KCNQ5: variants seen among roughly 807,000 people sequenced by gnomAD.
The protein encoded by KCNQ5 is potassium voltage-gated channel subfamily KQT member 5.
A neutral mutation model predicts 98.2 loss-of-function variants in KCNQ5; 30 were observed. The ratio of observed to expected loss-of-function variants is 0.31; its 90% CI spans 0.23 to 0.41. The LOEUF (loss-of-function observed/expected upper bound fraction) is 0.41. Ranked by LOEUF, KCNQ5 falls within the 10% of genes least tolerant of loss-of-function variation. The pLI, the probability that KCNQ5 is intolerant of heterozygous loss-of-function variation, is 1.00. For synonymous variants in KCNQ5, 458 were observed against 449.4 expected (o/e 1.02, Z -0.24); for missense variants, 835 against 1,182.5 (o/e 0.71, Z 4.31).
At position 72,673,128 on chromosome 6, in the gene KCNQ5, C is replaced by T. The variant is rs1204622015; in HGVS notation, c.398+50541C>T. Reference sequence around the variant, plus strand: ...CCCATTTGTGACAGCTGTCCCATTGCCTGGGGATAGCTAACCTCCAGTCTT... The same window carrying T: ...CCCATTTGTGACAGCTGTCCCATTGTCTGGGGATAGCTAACCTCCAGTCTT... On this transcript the variant is annotated intron_variant, in intron 1 of 13. Coordinates refer to ENST00000370398, the MANE Select transcript of KCNQ5 (RefSeq NM_019842.4). Among the ~76,000 whole-genome samples, 3 of 152,278 alleles carry T rather than the reference C, an allele frequency of 2.0e-5. No homozygotes were observed. The South Asian group carries it at 6.2e-4, about 32-fold the overall frequency.
intron 1 of KCNQ5, among the ~76,000 whole-genome samples, chr6:72,857,875 T>A (rs1297025536): frequency 2.0e-5 from 3 of 152,260 alleles, no homozygotes; most frequent in African/African-American, 7.2e-5. Flanking sequence ...GTTCACTAAT[T>A]TACACAGTAA....
chr6:72,883,243 T>C (rs1024767397), intron 1 of KCNQ5, among the ~76,000 whole-genome samples: 2 of 152,242 alleles, frequency 1.3e-5, no homozygotes, highest in African/African-American at 2.4e-5. Flanking sequence ...TTTCTATCTA[T>C]TTATTTATAA....
At chr6:73,144,829 G>T (rs989308772) in intron 10 of KCNQ5, among the ~76,000 whole-genome samples, 1 of 152,136 alleles carries the variant, frequency 6.6e-6, no homozygotes, top group Non-Finnish European at 1.5e-5. Flanking sequence ...TGGTTCACAT[G>T]GTGGTGGTGG....
At position 72,644,436 on chromosome 6, in the gene KCNQ5, G is replaced by T. The variant is rs183233393; in HGVS notation, c.398+21849G>T. On this transcript the variant is annotated intron_variant, in intron 1 of 13. Transcript: ENST00000370398. ...TTCAGTCTGGTTCAGTGTTAGCTGG[G>T]AACATATGTGAGAGGAGAGGTTCAA... Among the ~76,000 whole-genome samples, 22 of 152,254 alleles carry T rather than the reference G, an allele frequency of 1.4e-4. No homozygotes were observed. The East Asian group carries it at 3.9e-3, about 27-fold the overall frequency.
At chr6:72,947,395 G>T (rs946721861) in intron 1 of KCNQ5, among the ~76,000 whole-genome samples, 1 of 152,048 alleles carries the variant, frequency 6.6e-6, no homozygotes. Flanking sequence ...GCAGAGTTTG[G>T]ACTGATAAAC....
chr6:73,190,720 G>C lies in KCNQ5; in HGVS notation c.1709+16G>C, dbSNP rs374713121. 87 of 1,505,602 alleles carry C rather than the reference G, an allele frequency of 5.8e-5. No individual in the cohort carries two copies. Among genetic ancestry groups the C allele is most frequent in the Non-Finnish European group, 7.6e-5 (85 of 1,119,848 alleles). The allele number at this position is 1,505,602 out of a possible 1,614,324, so 93.3% of individuals were successfully genotyped here. ...TTCAAACACGGTAAGCAATGGAAAT[G>C]TCATTCCTTGTAAAGGAATGGGCAT... is the stretch of plus-strand genomic sequence containing the variant. On this transcript the variant is annotated intron_variant, in intron 12 of 13. Coordinates refer to ENST00000370398, the MANE Select transcript of KCNQ5 (RefSeq NM_019842.4).
At chr6:72,888,466 C>T (rs1364938366) in intron 1 of KCNQ5, among the ~76,000 whole-genome samples, 2 of 152,100 alleles carry the variant, frequency 1.3e-5, no homozygotes, top group East Asian at 1.9e-4. Flanking sequence ...TTGAAAAATG[C>T]AGAAAATCAC....
At chr6:72,716,671 A>G (rs532255923) in intron 1 of KCNQ5, among the ~76,000 whole-genome samples, 4 of 152,140 alleles carry the variant, frequency 2.6e-5, no homozygotes, top group South Asian at 2.1e-4. Flanking sequence ...TTTAATTACT[A>G]TCTATTAAGT....
chr6:72,820,331 T>G (rs1393339360), intron 1 of KCNQ5, among the ~76,000 whole-genome samples: 2 of 152,138 alleles, frequency 1.3e-5, no homozygotes, highest in African/African-American at 4.8e-5. Flanking sequence ...GACTATGAAC[T>G]GGGATTCAAG....
Position 72,622,130 on chromosome 6 carries a change from T to G in KCNQ5, c.-60T>G, listed in dbSNP as rs980409052. The stretch of plus-strand genomic sequence containing the variant: ...CCTCCTTGAAACCCGCCGGCGCACA[T>G]GAGGCCGCTGCCCCCGCCGCAGGCG... On this transcript the variant is annotated 5_prime_UTR_variant, in exon 1 of 14. An upstream start codon of the reference 5' UTR is lost. Transcript: ENST00000370398. The surrounding 1 kb of genome is among the most constrained non-coding windows in gnomAD (Gnocchi z 6.0). 28 of 1,188,526 alleles carry G rather than the reference T, an allele frequency of 2.4e-5. No homozygotes were observed. Among genetic ancestry groups the G allele is most frequent in the Middle Eastern group, 3.3e-4 (1 of 2,992 alleles). The allele number at this position is 1,188,526 out of a possible 1,614,324, so 73.6% of individuals were successfully genotyped here.
intron 2 of KCNQ5, among the ~76,000 whole-genome samples, chr6:73,034,337 C>A (rs1221284035): frequency 1.3e-5 from 2 of 152,184 alleles, no homozygotes; most frequent in Non-Finnish European, 2.9e-5. Flanking sequence ...TGTTGATATT[C>A]TGAATAAAAG....
chr6:73,004,840 C>T (rs1038395954), intron 2 of KCNQ5, among the ~76,000 whole-genome samples: 1 of 152,102 alleles, frequency 6.6e-6, no homozygotes, highest in African/African-American at 2.4e-5. Flanking sequence ...TAGGGGTATA[C>T]AGAAGCAGGG....
chr6:72,849,404 C>A (rs755178018), intron 1 of KCNQ5, among the ~76,000 whole-genome samples: 3 of 152,058 alleles, frequency 2.0e-5, no homozygotes, highest in Non-Finnish European at 4.4e-5. Context: ...ACATTCCCAC[C>A]AACAGTATGT....
chr6:73,103,084 G>A (rs867574643), intron 5 of KCNQ5, among the ~76,000 whole-genome samples: 1 of 152,180 alleles, frequency 6.6e-6, no homozygotes, highest in African/African-American at 2.4e-5. Context: ...TAAAGAAAAT[G>A]TGGCATATAT....
chr6:73,140,509 G>A (rs1431760793), intron 10 of KCNQ5, among the ~76,000 whole-genome samples: 1 of 152,160 alleles, frequency 6.6e-6, no homozygotes, highest in African/African-American at 2.4e-5. Flanking sequence ...TATCCTATTA[G>A]GGCTTCCACT....
chr6:72,893,265 T>C (rs1223317544), intron 1 of KCNQ5, among the ~76,000 whole-genome samples: 2 of 152,078 alleles, frequency 1.3e-5, no homozygotes, highest in South Asian at 2.1e-4. Context: ...TGCATTGAGA[T>C]GTATGCATCA....
intron 1 of KCNQ5, among the ~76,000 whole-genome samples, chr6:72,745,054 G>A (rs756141982): frequency 1.3e-5 from 2 of 152,114 alleles, no homozygotes; most frequent in African/African-American, 2.4e-5. Context: ...ACTATTTCAA[G>A]GCTATTAATG....
At chr6:72,912,402 C>T (rs1779978680) in intron 1 of KCNQ5, among the ~76,000 whole-genome samples, 1 of 152,170 alleles carries the variant, frequency 6.6e-6, no homozygotes, top group Non-Finnish European at 1.5e-5. Context: ...CAGGGTCCTC[C>T]TTGCTTAGTG....
chr6:72,812,678 G>A (rs1368807561), intron 1 of KCNQ5, among the ~76,000 whole-genome samples: 1 of 152,136 alleles, frequency 6.6e-6, no homozygotes, highest in Non-Finnish European at 1.5e-5. Context: ...TGTGTAGAAT[G>A]GAGCTAGGTT....
Sources: gnomAD v4.1 joint callset for allele counts (sites outside exome capture counted in the v4.1 genomes callset) on GRCh38, gnomAD v4.1.1 for gene constraint, Gnocchi (gnomAD v3.1) non-coding constraint, MANE v1.5 for transcripts, NCBI Gene and HGNC (gene_info 2026-07-23, HGNC 2026-07-21) for gene names.